Variants in RGS7BP observed in about 807,000 individuals in gnomAD.
The protein encoded by RGS7BP is regulator of G protein signaling 7 binding protein.
A neutral mutation model predicts 31.3 loss-of-function variants in RGS7BP; 9 were observed. The observed-to-expected ratio is 0.29, with a 90% confidence interval of 0.17 to 0.50. The LOEUF (loss-of-function observed/expected upper bound fraction) is 0.50. RGS7BP is among the 20% of genes least tolerant of loss of function. The pLI is 0.98. For synonymous variants in RGS7BP, 115 were observed against 120.1 expected, an observed-to-expected ratio of 0.96 and a Z score of 0.28; for missense variants, 274 against 322.0, an observed-to-expected ratio of 0.85 and a Z score of 1.14.
chr5:64,601,360 C>A, intron 5 of RGS7BP: 1 of 594,192 alleles, frequency 1.7e-6, no homozygotes, highest in Non-Finnish European at 2.1e-6. Context: ...ATGTTTATTT[C>A]AGCATTTAAA....
At chr5:64,578,369 T>C (rs1201253287) in intron 3 of RGS7BP, among the ~76,000 whole-genome samples, 1 of 152,244 alleles carries the variant, frequency 6.6e-6, no homozygotes, top group African/African-American at 2.4e-5. Flanking sequence ...TGGATTTCTA[T>C]CTTCTAAAAT....
At chr5:64,535,389 G>T (rs768469000) in intron 2 of RGS7BP, among the ~76,000 whole-genome samples, 3 of 152,086 alleles carry the variant, frequency 2.0e-5, no homozygotes, top group Non-Finnish European at 4.4e-5. Flanking sequence ...TGACCTAATG[G>T]CTACAAGAAA....
chr5:64,553,535 T>G (rs1378081250), intron 2 of RGS7BP, among the ~76,000 whole-genome samples: 1 of 152,098 alleles, frequency 6.6e-6, no homozygotes, highest in East Asian at 1.9e-4. Context: ...ATGACACTTT[T>G]TTTTTCAAAA....
intron 4 of RGS7BP, among the ~76,000 whole-genome samples, chr5:64,595,925 T>C (rs1482114241): frequency 1.3e-5 from 2 of 152,222 alleles, no homozygotes; most frequent in Non-Finnish European, 2.9e-5. Context: ...ACTTGGATTT[T>C]GTATAAGCTT....
chr5:64,528,522 G>A (rs974536444), intron 2 of RGS7BP, among the ~76,000 whole-genome samples: 4 of 152,078 alleles, frequency 2.6e-5, no homozygotes, highest in African/African-American at 9.7e-5. Context: ...CCTGAAAAAG[G>A]AAGGATAGGC....
At chr5:64,594,558 T>G in intron 3 of RGS7BP, 152 bp from the exon 4 acceptor site, 1 of 703,798 alleles carries the variant, frequency 1.4e-6, no homozygotes, top group Non-Finnish European at 2.5e-6. Flanking sequence ...TACATGTATA[T>G]ACCTAATTAT....
chr5:64,599,018 T>C (rs1236187808), intron 5 of RGS7BP, among the ~76,000 whole-genome samples: 4 of 152,166 alleles, frequency 2.6e-5, no homozygotes, highest in Non-Finnish European at 5.9e-5. Context: ...GTCTATCCTA[T>C]GGGAGTATAT....
At chr5:64,582,801 G>A (rs1742637277) in intron 3 of RGS7BP, among the ~76,000 whole-genome samples, 1 of 152,016 alleles carries the variant, frequency 6.6e-6, no homozygotes, top group African/African-American at 2.4e-5. Flanking sequence ...AATATGAGCA[G>A]TAAAAACTCC....
At chr5:64,528,196 T>G (rs919955298) in intron 2 of RGS7BP, among the ~76,000 whole-genome samples, 3 of 152,176 alleles carry the variant, frequency 2.0e-5, no homozygotes, top group African/African-American at 7.2e-5. Context: ...GTATTTGTTC[T>G]GGGTCCTGGC....
chr5:64,581,269 T>C (rs1328643733), intron 3 of RGS7BP, among the ~76,000 whole-genome samples: 1 of 152,196 alleles, frequency 6.6e-6, no homozygotes, highest in East Asian at 1.9e-4. Context: ...CCAAACTCTT[T>C]TCCCTCTGTG....
At position 64,598,653 on chromosome 5, in the gene RGS7BP, G is replaced by T. The variant is rs6877763; in HGVS notation, c.682+218G>T. On this transcript the variant is annotated intron_variant, in intron 5 of 5. Transcript: ENST00000334025. Reference sequence around the variant, plus strand: ...CCAAGGTACATTATGACCTTAAAACGAACTCCTTCTCCACTGGCCCTATTA... The same window carrying T: ...CCAAGGTACATTATGACCTTAAAACTAACTCCTTCTCCACTGGCCCTATTA... Among the ~76,000 whole-genome samples the T allele has an allele frequency of 8.5e-3, 1,294 of 152,200 alleles. 18 individuals are homozygous for T. Among genetic ancestry groups the T allele is most frequent in the African/African-American group, 0.029 (1,217 of 41,526 alleles).
At chr5:64,548,597 C>T (rs1741715764) in intron 2 of RGS7BP, among the ~76,000 whole-genome samples, 1 of 152,078 alleles carries the variant, frequency 6.6e-6, no homozygotes, top group Non-Finnish European at 1.5e-5. Context: ...GCAACCTCCG[C>T]CTCCTGGTTT....
intron 3 of RGS7BP, among the ~76,000 whole-genome samples, chr5:64,593,698 A>G (rs1485568806): frequency 6.6e-6 from 1 of 152,136 alleles, no homozygotes; most frequent in East Asian, 1.9e-4. Flanking sequence ...TGAGACAGAG[A>G]CTTTCTTTCA....
At chr5:64,578,562 A>G (rs925267694) in intron 3 of RGS7BP, among the ~76,000 whole-genome samples, 1 of 152,210 alleles carries the variant, frequency 6.6e-6, no homozygotes, top group African/African-American at 2.4e-5. Context: ...TGAGACCAAA[A>G]AAATGTAAAT....
chr5:64,565,895 T>A lies in RGS7BP; in HGVS notation c.333-9879T>A, dbSNP rs561709331. The stretch of plus-strand genomic sequence containing the variant: ...TAGATATATACATCTCATATTGGCA[T>A]GAAGTGTCATTTTTGACAATTATGC... On this transcript the variant is annotated intron_variant, in intron 2 of 5. Transcript: ENST00000334025. 2.0e-5 allele frequency among the ~76,000 whole-genome samples: 3 copies of A among 152,258 alleles called. No individual in the cohort carries two copies. In the South Asian group the frequency reaches 6.2e-4, roughly 32 times the overall value.
chr5:64,538,574 T>G (rs1741445726), intron 2 of RGS7BP, among the ~76,000 whole-genome samples: 1 of 132,488 alleles, frequency 7.5e-6, no homozygotes, highest in Non-Finnish European at 1.6e-5. Flanking sequence ...TTTTTTTTTT[T>G]GAGACAGACT....
At chr5:64,524,617 T>G (rs1749186318) in intron 2 of RGS7BP, among the ~76,000 whole-genome samples, 1 of 152,220 alleles carries the variant, frequency 6.6e-6, no homozygotes, top group Non-Finnish European at 1.5e-5. Flanking sequence ...TGAATTTTTC[T>G]GGGGCTTTTG....
chr5:64,568,186 G>A (rs551851509), intron 2 of RGS7BP, among the ~76,000 whole-genome samples: 2 of 152,142 alleles, frequency 1.3e-5, no homozygotes, highest in South Asian at 4.2e-4. Context: ...CTGTGTTCTA[G>A]CCATGTAATC....
rs376946870 is a variant in RGS7BP at position 64,598,442 on chromosome 5, C to T, written c.682+7C>T. 36 of 1,563,522 alleles carry T rather than the reference C, an allele frequency of 2.3e-5. No homozygotes were observed. Among genetic ancestry groups the T allele is most frequent in the Non-Finnish European group, 2.3e-5 (26 of 1,134,226 alleles). ...TTACCATTGAAAAATCAAGGTGAGT[C>T]TTGTCACTTCTCTTTGAGGCAGAGG... On this transcript the variant is annotated splice_region_variant and intron_variant, in intron 5 of 5. Transcript: ENST00000334025.
Sources: allele counts gnomAD v4.1 joint callset (sites outside exome capture counted in the v4.1 genomes callset), GRCh38; gene constraint gnomAD v4.1.1; transcripts MANE v1.5; gene names NCBI Gene and HGNC (gene_info 2026-07-23, HGNC 2026-07-21).